SRC: variants seen among roughly 807,000 people sequenced by gnomAD.
SRC encodes the protein SRC proto-oncogene, non-receptor tyrosine kinase.
SRC carries 13 observed loss-of-function variants against 62.9 expected under a neutral mutation model. That is an observed-to-expected ratio of 0.21 (90% confidence interval 0.13 to 0.33). The LOEUF (loss-of-function observed/expected upper bound fraction) is 0.33, where lower values mean the gene tolerates loss of function less well. Among genes scored for constraint, SRC ranks in the 10% least tolerant of loss-of-function variants. The pLI is 1.00. For synonymous variants in SRC, 302 were observed against 317.5 expected (o/e 0.95, Z 0.52); for missense variants, 457 against 737.3 (o/e 0.62, Z 4.40).
intron 1 of SRC, among the ~76,000 whole-genome samples, chr20:37,357,431 C>G (rs59139542): frequency 0.016 from 2,380 of 152,264 alleles, 62 homozygotes; most frequent in African/African-American, 0.054. Flanking sequence ...ATCCATCCAT[C>G]CATGATCAGG....
intron 1 of SRC, among the ~76,000 whole-genome samples, chr20:37,362,723 T>C (rs1410947102): frequency 6.9e-6 from 1 of 144,572 alleles, no homozygotes; most frequent in Non-Finnish European, 1.5e-5. Context: ...CTGGGATGGT[T>C]CCTGGGGTGG....
intron 1 of SRC, among the ~76,000 whole-genome samples, chr20:37,355,781 G>A (rs549439028): frequency 2.6e-5 from 4 of 152,316 alleles, no homozygotes; most frequent in African/African-American, 7.2e-5. Context: ...AGGGTGGGCC[G>A]GGAAGAAGGG....
At chr20:37,364,373 G>A (rs2070029074) in intron 1 of SRC, among the ~76,000 whole-genome samples, 1 of 152,134 alleles carries the variant, frequency 6.6e-6, no homozygotes, top group African/African-American at 2.4e-5. Flanking sequence ...CGTAAGCATG[G>A]TGCCCGCCAC....
intron 2 of SRC, among the ~76,000 whole-genome samples, chr20:37,374,025 A>G (rs982560376): frequency 7.1e-6 from 1 of 139,912 alleles, no homozygotes; most frequent in East Asian, 2.0e-4. Flanking sequence ...GTTAAAAAAA[A>G]CTTGGGTTTT....
chr20:37,399,332 G>A (rs1568644757), intron 9 of SRC, among the ~76,000 whole-genome samples: 1 of 152,094 alleles, frequency 6.6e-6, no homozygotes, highest in Non-Finnish European at 1.5e-5. Context: ...GGGCGGGTGG[G>A]CTCCAGAGGT....
chr20:37,373,110 G>C (rs1348458656), intron 2 of SRC, among the ~76,000 whole-genome samples: 1 of 137,490 alleles, frequency 7.3e-6, no homozygotes, highest in African/African-American at 3.2e-5. Context: ...ACACATATAT[G>C]TACACACACA....
In SRC at chr20:37,379,317, C is replaced by T. The variant is rs145288558; in HGVS notation, c.-172-3302C>T. Among the ~76,000 whole-genome samples the T allele has an allele frequency of 7.6e-3, 1,161 of 152,118 alleles. 10 individuals carry two copies. The highest frequency in any genetic ancestry group is 0.024 in the Middle Eastern group (7 of 294). ...TCTCTACCTTGGAGGCTGCAAGTGG[C>T]GGAAGAGATGAGGGGGGTTGGCCCC... On this transcript the variant is annotated intron_variant, in intron 2 of 13. Transcript: ENST00000373578.
In SRC at chr20:37,364,275, C is replaced by T. The variant is rs142877582; in HGVS notation, c.-246-929C>T. Among the ~76,000 whole-genome samples, 683 of 152,020 alleles carry T rather than the reference C, an allele frequency of 4.5e-3. 8 individuals carry two copies. The highest frequency in any genetic ancestry group is 0.016 in the African/African-American group (658 of 41,418). On this transcript the variant is annotated intron_variant, in intron 1 of 13. Transcript: ENST00000373578. ...CTGTGTCTTATGAGCTGTGTGACAT[C>T]AGGCAAGCAGCCCCGCCTCTCTGTG...
In SRC at chr20:37,397,959, CG is replaced by C. The variant is rs2070682992; in HGVS notation, c.859+109del. 7.3e-7 allele frequency: 1 copy of C among 1,369,066 alleles called. No individual in the cohort carries two copies. The highest frequency in any genetic ancestry group is 9.7e-7 in the Non-Finnish European group (1 of 1,028,180). The allele number at this position is 1,369,066 out of a possible 1,614,324, so 84.8% of individuals were successfully genotyped here. On this transcript the variant is annotated intron_variant, in intron 9 of 13. Transcript: ENST00000373578. The surrounding 1 kb of genome is among the most constrained non-coding windows in gnomAD (Gnocchi z 4.1). ...GCCTTTAGCTGCCTCTGCTGGATGA[CG>C]GGGCCCTGTTGTAAATCTGGAGCTC... is the stretch of plus-strand genomic sequence containing the variant.
Position 37,397,603 on chromosome 20 carries a change from CTG to C in SRC, c.704-91_704-90del. 7.0e-7 allele frequency: 1 copy of C among 1,425,262 alleles called. No homozygotes were observed. The highest frequency in any genetic ancestry group is 9.2e-7 in the Non-Finnish European group (1 of 1,084,902). 88.3% of individuals were successfully genotyped at this position (1,425,262 alleles called of 1,614,324 possible). ...GGGCACCCTGCGTGTCCCCTGAAATCTGTGTGCATCTGGCATGTAGGGCGACA... is the reference window on the plus strand; with the variant it reads ...GGGCACCCTGCGTGTCCCCTGAAATCTGTGCATCTGGCATGTAGGGCGACA... On this transcript the variant is annotated intron_variant, in intron 8 of 13. Coordinates refer to ENST00000373578, the MANE Select transcript of SRC (RefSeq NM_198291.3). The surrounding 1 kb of genome is among the most constrained non-coding windows in gnomAD (Gnocchi z 4.1).
intron 2 of SRC, among the ~76,000 whole-genome samples, chr20:37,380,719 C>T (rs1410337435): frequency 6.6e-6 from 1 of 152,104 alleles, no homozygotes; most frequent in East Asian, 1.9e-4. Context: ...CTGACAGCCG[C>T]GAGTGCACAG....
In SRC at chr20:37,384,434, C is replaced by T. The variant is rs1317520031; in HGVS notation, c.250+31C>T. 4.6e-6 allele frequency: 6 copies of T among 1,314,056 alleles called. No individual in the cohort carries two copies. In the African/African-American group the frequency reaches 7.8e-5, roughly 17 times the overall value. 81.4% of individuals were successfully genotyped at this position (1,314,056 alleles called of 1,614,324 possible). On this transcript the variant is annotated intron_variant, in intron 4 of 13. Transcript: ENST00000373578. The surrounding 1 kb of genome is among the most constrained non-coding windows in gnomAD (Gnocchi z 6.7). ...TGCGCGGGCGGCGCGGGGTCCTCGC[C>T]CACCTGGGGCCACGGCGGGGAGGCG...
In SRC at chr20:37,370,963, T is replaced by TTTCTTC. The variant is rs536060536; in HGVS notation, c.-173+5710_-173+5715dup. On this transcript the variant is annotated intron_variant, in intron 2 of 13. Coordinates refer to ENST00000373578, the MANE Select transcript of SRC (RefSeq NM_198291.3). ...GCTTTAGATTTATTTGAATTTTCTATTTCTTCTTCTTCTTCTTCTTCTTCT... is the reference window on the plus strand; with the variant it reads ...GCTTTAGATTTATTTGAATTTTCTATTTCTTCTTCTTCTTCTTCTTCTTCTTCTTCT... Among the ~76,000 whole-genome samples the TTTCTTC allele has an allele frequency of 1.6e-3, 233 of 147,410 alleles. 1 individual carries two copies. In the Middle Eastern group the frequency reaches 0.024, roughly 15 times the overall value.
In SRC at chr20:37,384,137, T is replaced by C; in HGVS notation, c.-4-13T>C. 2 of 1,598,490 alleles carry C rather than the reference T, an allele frequency of 1.3e-6. No homozygotes were observed. Among genetic ancestry groups the C allele is most frequent in the Non-Finnish European group, 8.5e-7 (1 of 1,176,114 alleles). On this transcript the variant is annotated splice_polypyrimidine_tract_variant and intron_variant, in intron 3 of 13. Coordinates refer to ENST00000373578, the MANE Select transcript of SRC (RefSeq NM_198291.3). This position sits in a 1 kb window ranked among gnomAD's most constrained non-coding sequence, Gnocchi z 6.7. ...GCCCTGCCTGTTCCAGTGTCTTCTC[T>C]CTCTCCTGCCAGGACCATGGGTAGC... is the stretch of plus-strand genomic sequence containing the variant.
At position 37,403,181 on chromosome 20, in the gene SRC, C is replaced by G; in HGVS notation, c.1413C>G (p.Asn471Lys). Residue 471 changes from asparagine to lysine, a missense_variant, in exon 14 of 14, where the codon AAC becomes AAG. Around this residue, in one of 4 missense-constraint regions of SRC, gnomAD observed 168 missense variants for 357.8 expected, o/e 0.47. Coordinates refer to ENST00000373578, the MANE Select transcript of SRC (RefSeq NM_198291.3). The surrounding 1 kb of genome is among the most constrained non-coding windows in gnomAD (Gnocchi z 7.1). ...TCGCTCTGCCCACAGGGATGGTGAA[C>G]CGCGAGGTGCTGGACCAGGTGGAGC... Reference protein sequence around the residue: ...KGRVPYPGMVNREVLDQVERG... With the variant: ...KGRVPYPGMVKREVLDQVERG... 6.5e-7 allele frequency: 1 copy of G among 1,544,734 alleles called. No individual in the cohort carries two copies.
rs1214475530 is a variant in SRC, at chr20:37,398,084, T to A, written c.859+230T>A. Among the ~76,000 whole-genome samples, 5 of 152,204 alleles carry A rather than the reference T, an allele frequency of 3.3e-5. No individual in the cohort carries two copies. On this transcript the variant is annotated intron_variant, in intron 9 of 13. Coordinates refer to ENST00000373578, the MANE Select transcript of SRC (RefSeq NM_198291.3). This position sits in a 1 kb window ranked among gnomAD's most constrained non-coding sequence, Gnocchi z 5.2. ...CCTGATTCCAAGATCCGCACAGGGC[T>A]GGGCATTGCACAGACCTGCTGTGTA...
In SRC at chr20:37,384,177, C is replaced by T. The variant is rs1329691407; in HGVS notation, c.24C>T (p.Pro8=). Residue 8 remains proline, a synonymous_variant, in exon 4 of 14, where the codon CCC becomes CCT. Coordinates refer to ENST00000373578, the MANE Select transcript of SRC (RefSeq NM_198291.3). This position sits in a 1 kb window ranked among gnomAD's most constrained non-coding sequence, Gnocchi z 6.7. MGSNKSK[P]KDASQRRRSL... The stretch of plus-strand genomic sequence containing the variant: ...CCATGGGTAGCAACAAGAGCAAGCC[C>T]AAGGATGCCAGCCAGCGGCGCCGCA... The T allele has an allele frequency of 1.9e-6, 3 of 1,599,966 alleles. No homozygotes were observed. Among genetic ancestry groups the T allele is most frequent in the African/African-American group, 1.4e-5 (1 of 73,748 alleles).
At chr20:37,391,851 C>T (rs1452336793) in intron 5 of SRC, among the ~76,000 whole-genome samples, 1 of 152,088 alleles carries the variant, frequency 6.6e-6, no homozygotes, top group Non-Finnish European at 1.5e-5. Context: ...AAGACTCCAT[C>T]TCAAAAAAAT....
intron 2 of SRC, among the ~76,000 whole-genome samples, chr20:37,374,081 AT>A (rs146262957): frequency 0.046 from 6,561 of 142,556 alleles, 352 homozygotes; most frequent in Admixed American, 0.13. Flanking sequence ...TTTATGAATA[AT>A]TTTTTTTTTT....
Sources: allele counts gnomAD v4.1 joint callset (sites outside exome capture counted in the v4.1 genomes callset), GRCh38; gene constraint gnomAD v4.1.1; regional missense constraint gnomAD v4.1.1; non-coding constraint Gnocchi (gnomAD v3.1); transcripts MANE v1.5; gene names NCBI Gene and HGNC (gene_info 2026-07-23, HGNC 2026-07-21).